Variants in STPG2 observed in about 807,000 individuals in gnomAD.
STPG2 encodes the protein sperm tail PG-rich repeat containing 2.
A neutral mutation model predicts 54.2 loss-of-function variants in STPG2; 56 were observed. That is an observed-to-expected ratio of 1.03 (90% CI 0.83 to 1.29). The LOEUF (loss-of-function observed/expected upper bound fraction) is 1.29, where lower values mean the gene tolerates loss of function less well. Among genes scored for constraint, STPG2 ranks in the 50% most tolerant of loss-of-function variants. The pLI, the probability that STPG2 is intolerant of heterozygous loss-of-function variation, is 0.00. For missense variants in STPG2, 596 were observed against 544.9 expected (o/e 1.09, Z -0.93); for synonymous variants, 200 against 181.8 (o/e 1.10, Z -0.81).
chr4:97,541,078 C>A (rs1731689859), intron 4 of STPG2, among the ~76,000 whole-genome samples: 2 of 152,174 alleles, frequency 1.3e-5, no homozygotes, highest in African/African-American at 4.8e-5. Flanking sequence ...GATGACTTCT[C>A]TCAACACTCC....
chr4:97,837,722 G>A (rs1044073935), intron 9 of STPG2, among the ~76,000 whole-genome samples: 2 of 151,282 alleles, frequency 1.3e-5, no homozygotes, highest in African/African-American at 2.4e-5. Context: ...TCCCTCTTAA[G>A]TATATTCCAA....
At chr4:98,043,752 T>C (rs1223477178) in intron 5 of STPG2, among the ~76,000 whole-genome samples, 3 of 152,168 alleles carry the variant, frequency 2.0e-5, no homozygotes, top group African/African-American at 7.2e-5. Context: ...CTAAATTCTT[T>C]TATGAATTTA....
intron 5 of STPG2, among the ~76,000 whole-genome samples, chr4:97,996,163 G>A (rs1735201678): frequency 6.6e-6 from 1 of 152,070 alleles, no homozygotes; most frequent in Non-Finnish European, 1.5e-5. Context: ...AACAAAGCTG[G>A]AGACATCACA....
At chr4:97,907,295 G>A (rs1395969215) in intron 8 of STPG2, among the ~76,000 whole-genome samples, 1 of 151,776 alleles carries the variant, frequency 6.6e-6, no homozygotes, top group Non-Finnish European at 1.5e-5. Context: ...AAATACCTAG[G>A]AATCCAACTT....
intron 4 of STPG2, among the ~76,000 whole-genome samples, chr4:97,540,196 T>A (rs1204779629): frequency 6.6e-6 from 1 of 152,078 alleles, no homozygotes; most frequent in Non-Finnish European, 1.5e-5. Context: ...GGTGGTTTTT[T>A]GAAAAGATCC....
intron 5 of STPG2, among the ~76,000 whole-genome samples, chr4:97,982,294 G>C (rs1304036537): frequency 6.6e-6 from 1 of 151,486 alleles, no homozygotes; most frequent in African/African-American, 2.4e-5. Flanking sequence ...CTATTATCAT[G>C]TTACCTCATT....
At chr4:97,818,903 GTA>G (rs1727997780) in intron 9 of STPG2, among the ~76,000 whole-genome samples, 2 of 148,898 alleles carry the variant, frequency 1.3e-5, no homozygotes, top group Non-Finnish European at 3.0e-5. Context: ...CAAATTATGT[GTA>G]GAGAATTTAC....
At chr4:97,997,119 C>T (rs1578766523) in intron 5 of STPG2, among the ~76,000 whole-genome samples, 2 of 152,194 alleles carry the variant, frequency 1.3e-5, no homozygotes, top group African/African-American at 4.8e-5. Context: ...AATCATTCTA[C>T]TATGAAGACA....
At chr4:97,485,597 G>A (rs748080131) in intron 4 of STPG2, among the ~76,000 whole-genome samples, 1 of 151,902 alleles carries the variant, frequency 6.6e-6, no homozygotes, top group Non-Finnish European at 1.5e-5. Context: ...CTCATGGATG[G>A]ATAGAATCCA....
At chr4:97,807,470 T>C (rs930863092) in intron 9 of STPG2, among the ~76,000 whole-genome samples, 6 of 151,918 alleles carry the variant, frequency 3.9e-5, no homozygotes, top group African/African-American at 1.2e-4. Flanking sequence ...CCCCAAAATG[T>C]TGATCATTTT....
chr4:98,039,647 A>G (rs543272657), intron 5 of STPG2, among the ~76,000 whole-genome samples: 17 of 151,276 alleles, frequency 1.1e-4, no homozygotes, highest in African/African-American at 3.9e-4. Context: ...ATGTAACAAA[A>G]CTGCCTTTGC....
chr4:98,125,025 C>T (rs1739790552), intron 3 of STPG2, among the ~76,000 whole-genome samples: 1 of 152,194 alleles, frequency 6.6e-6, no homozygotes, highest in South Asian at 2.1e-4. Flanking sequence ...TCAGCTCCAT[C>T]AAGGTGTTTA....
At chr4:97,550,950 A>G (rs1731951832) in intron 4 of STPG2, among the ~76,000 whole-genome samples, 1 of 151,790 alleles carries the variant, frequency 6.6e-6, no homozygotes. Flanking sequence ...GCAGACCCAA[A>G]GAGTGAGCAG....
intron 9 of STPG2, among the ~76,000 whole-genome samples, chr4:97,798,291 A>T (rs1339774963): frequency 6.6e-6 from 1 of 151,834 alleles, no homozygotes; most frequent in African/African-American, 2.4e-5. Flanking sequence ...TCAATTTTAG[A>T]TCTTTCCTAC....
intron 4 of STPG2, among the ~76,000 whole-genome samples, chr4:97,467,012 T>C (rs181593351): frequency 2.0e-3 from 307 of 152,062 alleles, no homozygotes; most frequent in African/African-American, 6.9e-3. Flanking sequence ...AACATTTTAG[T>C]GACATTTTTA....
intron 5 of STPG2, among the ~76,000 whole-genome samples, chr4:98,068,933 C>T (rs1022588731): frequency 6.6e-6 from 1 of 151,966 alleles, no homozygotes; most frequent in African/African-American, 2.4e-5. Flanking sequence ...AGTAAAAATA[C>T]AGTATTATAA....
intron 9 of STPG2, among the ~76,000 whole-genome samples, chr4:97,734,750 A>G (rs990667810): frequency 2.0e-5 from 3 of 152,162 alleles, no homozygotes; most frequent in Non-Finnish European, 4.4e-5. Flanking sequence ...AAAAGCAAAC[A>G]TAAACAAGTA....
At chr4:97,966,443 A>G (rs1309362749) in intron 7 of STPG2, among the ~76,000 whole-genome samples, 1 of 152,224 alleles carries the variant, frequency 6.6e-6, no homozygotes, top group East Asian at 1.9e-4. Context: ...AAGCTGGAAA[A>G]CACTCTTCAC....
intron 8 of STPG2, among the ~76,000 whole-genome samples, chr4:97,907,639 A>G (rs1731492248): frequency 6.6e-6 from 1 of 152,236 alleles, no homozygotes; most frequent in South Asian, 2.1e-4. Context: ...TACAGTAACC[A>G]AAACAGCATG....
Sources: allele counts gnomAD v4.1 joint callset (sites outside exome capture counted in the v4.1 genomes callset), GRCh38; gene constraint gnomAD v4.1.1; transcripts MANE v1.5; gene names NCBI Gene and HGNC (gene_info 2026-07-23, HGNC 2026-07-21).